NINL: variants seen among roughly 807,000 people sequenced by gnomAD.
The protein encoded by NINL is ninein-like protein.
In NINL, 153 loss-of-function variants were observed where a neutral mutation model predicts 160.3. The ratio of observed to expected loss-of-function variants is 0.95; its 90% confidence interval spans 0.84 to 1.09. NINL has a LOEUF of 1.09. NINL is among the 50% of genes least tolerant of loss of function. The probability of loss-of-function intolerance (pLI) is 0.00; values close to 1 mark genes in which losing one functional copy is unlikely to be tolerated. For synonymous variants in NINL, 800 were observed against 734.8 expected, an observed-to-expected ratio of 1.09 and a Z score of -1.43; for missense variants, 1,829 against 1,764.0, an observed-to-expected ratio of 1.04 and a Z score of -0.66.
At chr20:25,454,616 C>T (rs937778076) in intron 23 of NINL, among the ~76,000 whole-genome samples, 1 of 152,164 alleles carries the variant, frequency 6.6e-6, no homozygotes, top group Non-Finnish European at 1.5e-5. Flanking sequence ...TACTGGATCA[C>T]GATGGAGCAA....
intron 1 of NINL, among the ~76,000 whole-genome samples, chr20:25,573,647 G>A: frequency 6.6e-6 from 1 of 152,226 alleles, no homozygotes; most frequent in East Asian, 1.9e-4. Context: ...ACAGCAATCT[G>A]AGGAGCCCAT....
At chr20:25,563,218 G>A (rs150772766) in intron 1 of NINL, among the ~76,000 whole-genome samples, 1 of 152,296 alleles carries the variant, frequency 6.6e-6, no homozygotes, top group African/African-American at 2.4e-5. Flanking sequence ...TATGCTAGCT[G>A]AAGGCAAAAT....
chr20:25,487,031 G>A (rs1489268952), intron 13 of NINL, among the ~76,000 whole-genome samples: 2 of 152,150 alleles, frequency 1.3e-5, no homozygotes, highest in Admixed American at 1.3e-4. Flanking sequence ...TTTCAGCACA[G>A]GGTGATGTGG....
rs897785591 is a variant in NINL at position 25,585,503 on chromosome 20, C to T, written c.-60G>A. The T allele has an allele frequency of 6.6e-6, 1 of 152,222 alleles. No homozygotes were observed. The highest frequency in any genetic ancestry group is 2.4e-5 in the African/African-American group (1 of 41,450). The allele number at this position is 152,222 out of a possible 1,614,324, so 9.4% of individuals were successfully genotyped here. A position where few individuals can be genotyped will look rare whatever the true frequency, so the allele number is the denominator to read the frequency against. On this transcript the variant is annotated 5_prime_UTR_variant, in exon 1 of 24. In the 5' UTR this introduces an upstream ATG that the reference lacks. Transcript: ENST00000278886. ...CCCGCGCGGGGCCAGGAGCGCGGCA[C>T]CACCCCCGTACCGCCGGCCGCTCTT...
Position 25,482,118 on chromosome 20 carries a change from G to A in NINL, c.1678-18C>T, listed in dbSNP as rs1465745811. 2 of 1,587,940 alleles carry A rather than the reference G, an allele frequency of 1.3e-6. No homozygotes were observed. Among genetic ancestry groups the A allele is most frequent in the Non-Finnish European group, 1.7e-6 (2 of 1,172,846 alleles). ...TGCAGGTCCTGTGGGGACAGAGCCA[G>A]CCACCTCCTCTAGCAGCTGCAGCCA... On this transcript the variant is annotated intron_variant, in intron 13 of 23. Coordinates refer to ENST00000278886, the MANE Select transcript of NINL (RefSeq NM_025176.6).
chr20:25,517,945 A>G, intron 2 of NINL, 96 bp from the exon 3 acceptor site: 1 of 646,478 alleles, frequency 1.5e-6, no homozygotes, highest in Non-Finnish European at 2.6e-6. Context: ...ATAGAAATAT[A>G]TTATTACTGC....
chr20:25,573,525 G>A (rs899257918), intron 1 of NINL, among the ~76,000 whole-genome samples: 26 of 152,084 alleles, frequency 1.7e-4, no homozygotes, highest in African/African-American at 6.0e-4. Context: ...GAACATTTGG[G>A]GTTTCTATTT....
rs570217485 is a variant in NINL, at chr20:25,484,477, G to GA, written c.1678-2378dup. On this transcript the variant is annotated intron_variant, in intron 13 of 23. Coordinates refer to ENST00000278886, the MANE Select transcript of NINL (RefSeq NM_025176.6). ...GCATCTCATTATGCCAGCAAGTGTG[G>GA]AAACATTTGACAAAACAAGGCAGCA... Among the ~76,000 whole-genome samples the GA allele has an allele frequency of 2.0e-3, 301 of 152,314 alleles. 2 individuals carry two copies. The highest frequency in any genetic ancestry group is 6.9e-3 in the African/African-American group (288 of 41,568).
At chr20:25,542,697 T>A (rs181334662) in intron 1 of NINL, among the ~76,000 whole-genome samples, 2,518 of 51,380 alleles carry the variant, frequency 0.049, 28 homozygotes, top group Non-Finnish European at 0.058. Context: ...TTGCTTTCAC[T>A]AAAAAAAAAA....
chr20:25,475,212 G>A (rs970195362), intron 17 of NINL, among the ~76,000 whole-genome samples: 1 of 151,552 alleles, frequency 6.6e-6, no homozygotes, highest in African/African-American at 2.4e-5. Context: ...CAGCACCACT[G>A]CACTCCAGCC....
At chr20:25,556,587 T>G (rs1050618708) in intron 1 of NINL, among the ~76,000 whole-genome samples, 5 of 151,854 alleles carry the variant, frequency 3.3e-5, no homozygotes, top group Non-Finnish European at 7.4e-5. Context: ...ATCATGCCAC[T>G]GTACTCCAAC....
At chr20:25,512,049 G>A (rs900749994) in intron 4 of NINL, among the ~76,000 whole-genome samples, 1 of 152,136 alleles carries the variant, frequency 6.6e-6, no homozygotes, top group African/African-American at 2.4e-5. Flanking sequence ...ATTTCTTAAC[G>A]TGAAGCCCCA....
At chr20:25,576,207 T>C (rs575327296) in intron 1 of NINL, among the ~76,000 whole-genome samples, 2 of 152,220 alleles carry the variant, frequency 1.3e-5, no homozygotes, top group African/African-American at 4.8e-5. Context: ...TCTCTGTTTC[T>C]GAACTTTGAA....
At chr20:25,557,789 G>A (rs1443681596) in intron 1 of NINL, among the ~76,000 whole-genome samples, 1 of 152,066 alleles carries the variant, frequency 6.6e-6, no homozygotes, top group Non-Finnish European at 1.5e-5. Context: ...TGTATAAAAA[G>A]TAAAGAGGTA....
chr20:25,541,703 C>T (rs894736363), intron 1 of NINL, among the ~76,000 whole-genome samples: 5 of 152,208 alleles, frequency 3.3e-5, no homozygotes, highest in African/African-American at 1.2e-4. Flanking sequence ...ACTTTATTCT[C>T]AACATCAGTA....
At chr20:25,521,507 CA>C (rs1381043597) in intron 2 of NINL, among the ~76,000 whole-genome samples, 3 of 152,146 alleles carry the variant, frequency 2.0e-5, no homozygotes, top group Non-Finnish European at 4.4e-5. Context: ...ATATGCTGGT[CA>C]TTGTATTTGG....
At position 25,512,885 on chromosome 20, in the gene NINL, C is replaced by G. The variant is rs2064097645; in HGVS notation, c.399G>C (p.Gln133His). 6.2e-7 allele frequency: 1 copy of G among 1,614,070 alleles called. No individual in the cohort carries two copies. Among genetic ancestry groups the G allele is most frequent in the African/African-American group, 1.3e-5 (1 of 74,958 alleles). ...EARRVPEQQT[Q>H]ASLKSHLWRS... is the part of the protein sequence containing the mutation. ...GCCAGAGGTGACTTTTCAGGCTGGC[C>G]TGGGTTTGCTGCTCCGGCACGCGTC... Residue 133 changes from glutamine (Q) to histidine (H), a missense_variant, in exon 4 of 24, where the codon CAG becomes CAC. Coordinates refer to ENST00000278886, the MANE Select transcript of NINL (RefSeq NM_025176.6).
chr20:25,527,112 A>G (rs2064374210), intron 1 of NINL, among the ~76,000 whole-genome samples: 2 of 152,186 alleles, frequency 1.3e-5, no homozygotes, highest in South Asian at 2.1e-4. Flanking sequence ...TTCCACTACC[A>G]TATAAAAACA....
intron 21 of NINL, 103 bp from the exon 22 acceptor site, chr20:25,458,632 G>T: frequency 8.0e-7 from 1 of 1,243,564 alleles, no homozygotes; most frequent in Non-Finnish European, 1.1e-6. Flanking sequence ...GGCAAGGAAA[G>T]CGTGTGCTCC....
Sources: gnomAD v4.1 joint callset for allele counts (sites outside exome capture counted in the v4.1 genomes callset) on GRCh38, gnomAD v4.1.1 for gene constraint, MANE v1.5 for transcripts, NCBI Gene and HGNC (gene_info 2026-07-23, HGNC 2026-07-21) for gene names.